MTDH: variants seen among roughly 807,000 people sequenced by gnomAD.
MTDH encodes metadherin.
MTDH carries 34 observed loss-of-function variants against 72.7 expected under a neutral mutation model. That is an observed-to-expected ratio of 0.47 (90% CI 0.36 to 0.62). The LOEUF is 0.62. Ranked by LOEUF, MTDH falls within the 20% of genes least tolerant of loss-of-function variation. The pLI is 0.00. For synonymous variants in MTDH, 266 were observed against 268.9 expected, an observed-to-expected ratio of 0.99 and a Z score of 0.10; for missense variants, 677 against 699.4, an observed-to-expected ratio of 0.97 and a Z score of 0.36.
At chr8:97,697,150 A>ATATATATATATATTTTTTTT in intron 6 of MTDH, among the ~76,000 whole-genome samples, 10 of 68,792 alleles carry the variant, frequency 1.5e-4, no homozygotes, top group African/African-American at 8.2e-4. Flanking sequence ...ATATATATAT[A>ATATATATATATATTTTTTTT]TTTTTTTTTT....
chr8:97,677,763 T>C (rs996049120), intron 2 of MTDH, among the ~76,000 whole-genome samples: 1 of 152,220 alleles, frequency 6.6e-6, no homozygotes, highest in Non-Finnish European at 1.5e-5. Context: ...TAGCAAGATA[T>C]CTAAGCATTC....
intron 7 of MTDH, among the ~76,000 whole-genome samples, chr8:97,705,747 T>C (rs942778569): frequency 1.3e-5 from 2 of 152,266 alleles, no homozygotes; most frequent in Non-Finnish European, 2.9e-5. Context: ...CTTAAACCAT[T>C]GTAAATGAAA....
chr8:97,722,941 T>G lies in MTDH; in HGVS notation c.1584T>G (p.Asp528Glu), dbSNP rs755517427. ...CATCTGTAATCTTATCAAAAAGTGA[T>G]TCTGACAAGAGCTCTTCCCAAGTGC... ...TEPSVILSKSDSDKSSSQVPP... is the reference protein window; with the variant it reads ...TEPSVILSKSESDKSSSQVPP... The change falls in exon 11 of 12, where the codon GAT (aspartate) becomes GAG (glutamate). Residue 528 changes from aspartate (D) to glutamate (E), a missense_variant. By Grantham distance (45) the Asp-to-Glu change is conservative (BLOSUM62 2). Transcript: ENST00000336273. 1 of 1,614,080 alleles carries G rather than the reference T, an allele frequency of 6.2e-7. No homozygotes were observed. The highest frequency in any genetic ancestry group is 1.3e-5 in the African/African-American group (1 of 75,060).
At chr8:97,674,019 G>A (rs920696092) in intron 2 of MTDH, among the ~76,000 whole-genome samples, 1 of 152,078 alleles carries the variant, frequency 6.6e-6, no homozygotes, top group African/African-American at 2.4e-5. Context: ...AGCCAGGCAT[G>A]GTGGCATGCA....
chr8:97,706,729 A>G lies in MTDH; in HGVS notation c.1251A>G (p.Glu417=). ...EERASLLKSQ[E]PIPDDQKVSD... ...GAGCTTCACTTCTAAAGTCCCAGGA[A>G]CCAATTCCTGATGATCAAAAGGTGA... Residue 417 remains glutamate, a synonymous_variant, in exon 8 of 12, where the codon GAA becomes GAG. Transcript: ENST00000336273. 1.2e-6 allele frequency: 2 copies of G among 1,613,604 alleles called. No individual in the cohort carries two copies. Among genetic ancestry groups the G allele is most frequent in the South Asian group, 2.2e-5 (2 of 91,018 alleles).
chr8:97,692,960 G>A (rs1348168975), intron 6 of MTDH, among the ~76,000 whole-genome samples: 2 of 152,148 alleles, frequency 1.3e-5, no homozygotes, highest in Non-Finnish European at 2.9e-5. Context: ...TAGAACTCTT[G>A]ACCTCAAGTT....
chr8:97,700,380 G>T lies in MTDH; in HGVS notation c.1147+528G>T, dbSNP rs371527038. 2.0e-5 allele frequency among the ~76,000 whole-genome samples: 3 copies of T among 151,490 alleles called. 1 individual carries two copies. ...TCCTCACAAACCTAAATCTCAAAAT[G>T]TACTTTGTCTGAATTTTTATTTCAC... On this transcript the variant is annotated intron_variant, in intron 7 of 11. Coordinates refer to ENST00000336273, the MANE Select transcript of MTDH (RefSeq NM_178812.4).
intron 7 of MTDH, 24 bp downstream of exon 7, chr8:97,699,876 G>GT: frequency 6.6e-7 from 1 of 1,509,404 alleles, no homozygotes; most frequent in Non-Finnish European, 9.1e-7. Context: ...AAAATTATCA[G>GT]TTATTTTTTT....
intron 8 of MTDH, among the ~76,000 whole-genome samples, chr8:97,708,264 C>CTTTTTTTTTTT (rs71271145): frequency 2.2e-4 from 7 of 32,070 alleles, no homozygotes; most frequent in African/African-American, 5.4e-4. Flanking sequence ...CATGCCAGGC[C>CTTTTTTTTTTT]TTTTTTTTTT....
intron 2 of MTDH, among the ~76,000 whole-genome samples, chr8:97,670,952 G>GTTGT (rs1354383434): frequency 2.2e-4 from 17 of 77,998 alleles, no homozygotes; most frequent in African/African-American, 5.0e-4. Flanking sequence ...TGTTGTTGTT[G>GTTGT]TTTTTTTTTT....
At chr8:97,709,362 C>T (rs1814525921) in intron 8 of MTDH, among the ~76,000 whole-genome samples, 1 of 152,016 alleles carries the variant, frequency 6.6e-6, no homozygotes, top group Non-Finnish European at 1.5e-5. Flanking sequence ...ATATATAATA[C>T]CTTAATACAT....
At chr8:97,709,870 A>G (rs1040897840) in intron 8 of MTDH, among the ~76,000 whole-genome samples, 1 of 152,114 alleles carries the variant, frequency 6.6e-6, no homozygotes, top group Non-Finnish European at 1.5e-5. Flanking sequence ...CAAAATCTCA[A>G]CTCTTTCATG....
chr8:97,668,528 T>C (rs761839711), intron 2 of MTDH, among the ~76,000 whole-genome samples: 30 of 152,106 alleles, frequency 2.0e-4, no homozygotes, highest in Admixed American at 4.6e-4. Context: ...GGAAAGTTCA[T>C]TGATGCAATT....
chr8:97,698,643 C>T (rs1443349636), intron 6 of MTDH, among the ~76,000 whole-genome samples: 1 of 152,212 alleles, frequency 6.6e-6, no homozygotes, highest in Non-Finnish European at 1.5e-5. Flanking sequence ...CTTCTCTCTG[C>T]CTCACCTCTC....
At chr8:97,663,072 A>G (rs1448454800) in intron 2 of MTDH, among the ~76,000 whole-genome samples, 1 of 152,128 alleles carries the variant, frequency 6.6e-6, no homozygotes, top group Non-Finnish European at 1.5e-5. Flanking sequence ...GATATGCCCA[A>G]TATAGATTTA....
intron 1 of MTDH, among the ~76,000 whole-genome samples, chr8:97,652,159 A>G (rs540680485): frequency 2.0e-5 from 3 of 152,216 alleles, no homozygotes; most frequent in South Asian, 2.1e-4. Flanking sequence ...GCAAATCACT[A>G]TGCTGCCTAA....
intron 1 of MTDH, among the ~76,000 whole-genome samples, chr8:97,647,301 G>A (rs1029799268): frequency 6.6e-6 from 1 of 152,202 alleles, no homozygotes; most frequent in Non-Finnish European, 1.5e-5. Flanking sequence ...CCAGGTGGGC[G>A]TGAAAGGCCT....
Position 97,682,249 on chromosome 8 carries a change from TATATATATATATATATATATATATATA to T in MTDH, c.484-4418_484-4392del, listed in dbSNP as rs1563542343. ...ATTACTTTATATATATATATATATA[TATATATATATATATATATATATATATA>T]TATATTTTTTTTTTTTTTTTTTTTT... On this transcript the variant is annotated intron_variant, in intron 2 of 11. Transcript: ENST00000336273. 3.5e-3 allele frequency among the ~76,000 whole-genome samples: 21 copies of T among 5,940 alleles called. 2 individuals carry two copies. The highest frequency in any genetic ancestry group is 0.013 in the East Asian group (3 of 240). The allele number at this position is 5,940 out of a possible 152,430, so 3.9% of individuals were successfully genotyped here.
Position 97,724,697 on chromosome 8 carries a change from G to A in MTDH, c.*27G>A. 1.3e-6 allele frequency: 2 copies of A among 1,506,696 alleles called. No homozygotes were observed. Among genetic ancestry groups the A allele is most frequent in the Non-Finnish European group, 1.8e-6 (2 of 1,108,946 alleles). The allele number at this position is 1,506,696 out of a possible 1,614,324, so 93.3% of individuals were successfully genotyped here. A position where few individuals can be genotyped will look rare whatever the true frequency, so the allele number is the denominator to read the frequency against. On this transcript the variant is annotated 3_prime_UTR_variant, in exon 12 of 12. Transcript: ENST00000336273. Reference sequence around the variant, plus strand: ...ATTTTTTTTCCTGAATTGGACATGTGTTTGCAAACACTTGTCTTGAAGATT... The same window carrying A: ...ATTTTTTTTCCTGAATTGGACATGTATTTGCAAACACTTGTCTTGAAGATT...
Sources: allele counts gnomAD v4.1 joint callset (sites outside exome capture counted in the v4.1 genomes callset), GRCh38; gene constraint gnomAD v4.1.1; transcripts MANE v1.5; gene names NCBI Gene and HGNC (gene_info 2026-07-23, HGNC 2026-07-21).